AGBL4: variants seen among roughly 807,000 people sequenced by gnomAD.
The protein encoded by AGBL4 is cytosolic carboxypeptidase 6.
A neutral mutation model predicts 66.4 loss-of-function variants in AGBL4; 58 were observed. That is an observed-to-expected ratio of 0.87 (90% CI 0.71 to 1.09). The LOEUF is 1.09. Ranked by LOEUF, AGBL4 falls within the 50% of genes least tolerant of loss-of-function variation. The pLI is 0.00. For synonymous variants in AGBL4, 234 were observed against 222.9 expected, an observed-to-expected ratio of 1.05 and a Z score of -0.44; for missense variants, 579 against 631.0, an observed-to-expected ratio of 0.92 and a Z score of 0.88.
intron 4 of AGBL4, among the ~76,000 whole-genome samples, chr1:49,179,255 G>C (rs1371449627): frequency 1.3e-5 from 2 of 152,088 alleles, no homozygotes; most frequent in Non-Finnish European, 2.9e-5. Context: ...AGGAATGATA[G>C]TAACTTAAAT....
chr1:48,581,148 GC>G (rs768324526), intron 11 of AGBL4, among the ~76,000 whole-genome samples: 3 of 152,136 alleles, frequency 2.0e-5, no homozygotes, highest in African/African-American at 4.8e-5. Context: ...CAGAGACCAA[GC>G]TTTTTTCATC....
chr1:49,458,445 T>C (rs1646438203), intron 3 of AGBL4, among the ~76,000 whole-genome samples: 1 of 151,618 alleles, frequency 6.6e-6, no homozygotes, highest in Non-Finnish European at 1.5e-5. Context: ...GTCTAGGTAT[T>C]TTTTTAGATG....
At chr1:48,974,313 T>C (rs1436135137) in intron 5 of AGBL4, among the ~76,000 whole-genome samples, 1 of 152,144 alleles carries the variant, frequency 6.6e-6, no homozygotes, top group East Asian at 1.9e-4. Context: ...CCAACTGAGC[T>C]GAGCTTTTTG....
chr1:48,624,696 T>C (rs1221918584), intron 9 of AGBL4, among the ~76,000 whole-genome samples: 1 of 152,076 alleles, frequency 6.6e-6, no homozygotes, highest in Non-Finnish European at 1.5e-5. Flanking sequence ...ACTGGAGGGA[T>C]TTGCAGAAGA....
chr1:48,787,459 C>T (rs1645435876), intron 6 of AGBL4, among the ~76,000 whole-genome samples: 2 of 152,100 alleles, frequency 1.3e-5, no homozygotes, highest in African/African-American at 4.8e-5. Flanking sequence ...GGCTTTCTTT[C>T]ATTTACTAAC....
At chr1:49,848,460 A>G (rs1646214588) in intron 2 of AGBL4, among the ~76,000 whole-genome samples, 1 of 152,248 alleles carries the variant, frequency 6.6e-6, no homozygotes, top group Admixed American at 6.5e-5. Context: ...AACATGTGAT[A>G]TACAATGGAA....
At chr1:48,884,027 G>C (rs935720042) in intron 5 of AGBL4, among the ~76,000 whole-genome samples, 2 of 152,152 alleles carry the variant, frequency 1.3e-5, no homozygotes, top group Non-Finnish European at 2.9e-5. Flanking sequence ...CTCCTAGCCT[G>C]CTACTCTACA....
intron 9 of AGBL4, among the ~76,000 whole-genome samples, chr1:48,603,934 C>T (rs1157526619): frequency 1.3e-5 from 2 of 151,822 alleles, no homozygotes; most frequent in African/African-American, 4.8e-5. Context: ...ACTGTCTCTA[C>T]TAAGAAAAAC....
At chr1:49,114,140 T>A (rs1323803618) in intron 4 of AGBL4, among the ~76,000 whole-genome samples, 2 of 152,228 alleles carry the variant, frequency 1.3e-5, no homozygotes, top group African/African-American at 4.8e-5. Flanking sequence ...ATATAAGATG[T>A]GTCTACATTG....
chr1:48,776,605 C>A, intron 6 of AGBL4: 1 of 1,434,910 alleles, frequency 7.0e-7, no homozygotes. Flanking sequence ...CGCTTGCTCA[C>A]CTGCCAGCGC....
intron 3 of AGBL4, among the ~76,000 whole-genome samples, chr1:49,392,698 T>C (rs1000208214): frequency 6.1e-5 from 9 of 147,514 alleles, no homozygotes; most frequent in African/African-American, 2.0e-4. Flanking sequence ...CAACTGTGTA[T>C]ACACACACAC....
chr1:49,949,355 A>T (rs1201700961), intron 1 of AGBL4, among the ~76,000 whole-genome samples: 2 of 151,970 alleles, frequency 1.3e-5, no homozygotes, highest in Non-Finnish European at 1.5e-5. Context: ...ATAAAAACAA[A>T]GATAAATAGC....
intron 3 of AGBL4, among the ~76,000 whole-genome samples, chr1:49,531,744 C>A (rs1651157856): frequency 6.6e-6 from 1 of 152,022 alleles, no homozygotes; most frequent in South Asian, 2.1e-4. Context: ...GAGATGAGAG[C>A]AGATCTTTAA....
intron 3 of AGBL4, among the ~76,000 whole-genome samples, chr1:49,617,462 T>C (rs1282424694): frequency 6.6e-6 from 1 of 152,206 alleles, no homozygotes; most frequent in Admixed American, 6.5e-5. Context: ...TTATTAATAT[T>C]TGTATACTGT....
intron 3 of AGBL4, among the ~76,000 whole-genome samples, chr1:49,677,998 C>A (rs531964886): frequency 1.2e-4 from 19 of 152,270 alleles, no homozygotes; most frequent in African/African-American, 4.6e-4. Context: ...GCACCTAAAG[C>A]TGACTTGGAT....
chr1:49,108,935 C>T (rs898422270), intron 4 of AGBL4, among the ~76,000 whole-genome samples: 2 of 152,156 alleles, frequency 1.3e-5, no homozygotes, highest in African/African-American at 4.8e-5. Flanking sequence ...CACTGTGTGA[C>T]CTTCAGCAAG....
intron 5 of AGBL4, among the ~76,000 whole-genome samples, chr1:49,030,269 C>T (rs1439271332): frequency 6.6e-6 from 1 of 152,062 alleles, no homozygotes; most frequent in Non-Finnish European, 1.5e-5. Flanking sequence ...TATGAAAACA[C>T]ACTAGAGACC....
chr1:49,376,191 G>T (rs1644468095), intron 3 of AGBL4, among the ~76,000 whole-genome samples: 1 of 152,056 alleles, frequency 6.6e-6, no homozygotes, highest in African/African-American at 2.4e-5. Context: ...TTTATGCCTT[G>T]GTGCTATTGC....
chr1:49,685,294 G>T (rs1301030176), intron 3 of AGBL4, among the ~76,000 whole-genome samples: 1 of 152,028 alleles, frequency 6.6e-6, no homozygotes, highest in African/African-American at 2.4e-5. Flanking sequence ...ATTTTTTTCA[G>T]TTCACCGTTG....
Sources: gnomAD v4.1 joint callset for allele counts (sites outside exome capture counted in the v4.1 genomes callset) on GRCh38, gnomAD v4.1.1 for gene constraint, MANE v1.5 for transcripts, NCBI Gene and HGNC (gene_info 2026-07-23, HGNC 2026-07-21) for gene names.